The following RHEX variants were observed in gnomAD, a reference collection of about 807,000 sequenced individuals.
The protein encoded by RHEX is regulator of hemoglobinization and erythroid cell expansion protein.
Under a neutral mutation model 20.1 loss-of-function variants are expected in RHEX, and 18 were observed. The ratio of observed to expected loss-of-function variants is 0.90; its 90% CI spans 0.62 to 1.33. RHEX has a LOEUF of 1.33. RHEX is among the 40% of genes most tolerant of loss of function. RHEX has a pLI of 0.00. For missense variants in RHEX, 192 were observed against 214.3 expected (o/e 0.90, Z 0.65); for synonymous variants, 87 against 77.1 (o/e 1.13, Z -0.67).
chr1:206,088,614 C>T (rs1400908205), intron 1 of RHEX, among the ~76,000 whole-genome samples: 5 of 152,210 alleles, frequency 3.3e-5, no homozygotes, highest in African/African-American at 4.8e-5. Context: ...ACCTGGGAGG[C>T]GGAGGTTGCA....
intron 1 of RHEX, among the ~76,000 whole-genome samples, chr1:206,064,798 G>A (rs1338817695): frequency 1.3e-5 from 2 of 152,100 alleles, no homozygotes; most frequent in Non-Finnish European, 2.9e-5. Flanking sequence ...CATTGAGAAC[G>A]GGCCAGGATG....
At chr1:206,078,117 TG>T (rs1662668878) in intron 1 of RHEX, among the ~76,000 whole-genome samples, 1 of 152,230 alleles carries the variant, frequency 6.6e-6, no homozygotes, top group African/African-American at 2.4e-5. Flanking sequence ...TGTTCAGGCT[TG>T]GGTTCCATCC....
chr1:206,064,903 T>C (rs1662394658), intron 1 of RHEX, among the ~76,000 whole-genome samples: 1 of 151,844 alleles, frequency 6.6e-6, no homozygotes. Flanking sequence ...GAGGTAGACA[T>C]GGGAGACTTT....
intron 1 of RHEX, among the ~76,000 whole-genome samples, chr1:206,060,120 T>G (rs548171629): frequency 6.6e-6 from 1 of 152,232 alleles, no homozygotes; most frequent in South Asian, 2.1e-4. Context: ...AGATGGAGGT[T>G]TATGTCCAAA....
intron 1 of RHEX, among the ~76,000 whole-genome samples, chr1:206,082,946 T>C (rs1187934756): frequency 2.6e-5 from 4 of 152,218 alleles, no homozygotes; most frequent in African/African-American, 9.7e-5. Flanking sequence ...CCAAAGAGCC[T>C]GAAATCAGCC....
At chr1:206,096,419 A>G (rs1663069578) in intron 1 of RHEX, among the ~76,000 whole-genome samples, 1 of 152,238 alleles carries the variant, frequency 6.6e-6, no homozygotes, top group Non-Finnish European at 1.5e-5. Flanking sequence ...TCTCAGACAC[A>G]CTGGTCTAGC....
At chr1:206,056,566 T>C (rs997357023) in intron 1 of RHEX, 1 of 152,286 alleles carries the variant, frequency 6.6e-6, no homozygotes, top group African/African-American at 2.4e-5. Flanking sequence ...ATCCAAGGTA[T>C]GTAGCCCAGG....
At chr1:206,080,767 G>A (rs1553285760) in intron 1 of RHEX, among the ~76,000 whole-genome samples, 4 of 152,286 alleles carry the variant, frequency 2.6e-5, no homozygotes, top group South Asian at 2.1e-4. Flanking sequence ...AAGCATCAGC[G>A]TGCATCCATT....
chr1:206,101,940 A>G lies in RHEX; in HGVS notation c.507A>G (p.Gln169=). The G allele has an allele frequency of 6.2e-7, 1 of 1,612,972 alleles. No homozygotes were observed. The highest frequency in any genetic ancestry group is 1.1e-5 in the South Asian group (1 of 91,044). Reference sequence around the variant, plus strand: ...TGTCTGAGCCAGCGGAATATGATCAAGTGGCCATGTGAATTCCAAATATTT... The same window carrying G: ...TGTCTGAGCCAGCGGAATATGATCAGGTGGCCATGTGAATTCCAAATATTT... ...PALSEPAEYD[Q]VAM The change falls in exon 6 of 6, where the codon CAA becomes CAG. Residue 169 remains glutamine (Q), a synonymous_variant. Coordinates refer to ENST00000331555, the MANE Select transcript of RHEX (RefSeq NM_001007544.4).
chr1:206,054,616 G>A (rs1662152099), intron 1 of RHEX, among the ~76,000 whole-genome samples: 1 of 152,218 alleles, frequency 6.6e-6, no homozygotes, highest in African/African-American at 2.4e-5. Flanking sequence ...AATGCCACAG[G>A]TTTTTCTTAA....
At chr1:206,083,578 G>A (rs575692173) in intron 1 of RHEX, 2 of 985,460 alleles carry the variant, frequency 2.0e-6, no homozygotes, top group African/African-American at 3.5e-5. Context: ...GCTGGAGAAG[G>A]GTCGGGGAGA....
At chr1:206,097,252 G>C (rs1663091280) in intron 1 of RHEX, among the ~76,000 whole-genome samples, 1 of 152,158 alleles carries the variant, frequency 6.6e-6, no homozygotes, top group African/African-American at 2.4e-5. Flanking sequence ...CCTCCCTGCA[G>C]CCCTCCTTAC....
intron 1 of RHEX, among the ~76,000 whole-genome samples, chr1:206,087,477 A>G (rs1662862556): frequency 6.6e-6 from 1 of 152,160 alleles, no homozygotes; most frequent in Admixed American, 6.5e-5. Flanking sequence ...ATTATTCTTC[A>G]CCTGCGGCAT....
At chr1:206,087,111 T>C (rs1193048826) in intron 1 of RHEX, among the ~76,000 whole-genome samples, 1 of 152,236 alleles carries the variant, frequency 6.6e-6, no homozygotes, top group African/African-American at 2.4e-5. Context: ...CCATAGCTGA[T>C]GTCCTAAACA....
At chr1:206,077,109 T>C (rs1468560393) in intron 1 of RHEX, among the ~76,000 whole-genome samples, 1 of 152,082 alleles carries the variant, frequency 6.6e-6, no homozygotes, top group African/African-American at 2.4e-5. Context: ...CACTTGCCGA[T>C]GATGAGAAGA....
chr1:206,080,438 C>T (rs1383310927), intron 1 of RHEX: 2 of 152,132 alleles, frequency 1.3e-5, no homozygotes, highest in African/African-American at 4.8e-5. Context: ...AACATTGTGA[C>T]CCACAAATGT....
chr1:206,064,399 G>GC (rs1359804274), intron 1 of RHEX, among the ~76,000 whole-genome samples: 1 of 122,316 alleles, frequency 8.2e-6, no homozygotes, highest in East Asian at 2.5e-4. Flanking sequence ...GGGGGGGTCA[G>GC]CCCCCCGCCC....
At chr1:206,082,309 A>C (rs1553286002) in intron 1 of RHEX, among the ~76,000 whole-genome samples, 2 of 152,030 alleles carry the variant, frequency 1.3e-5, no homozygotes, top group African/African-American at 4.8e-5. Context: ...CGATGTCAGG[A>C]GTTTGAGACC....
chr1:206,053,945 C>T (rs1240566999), intron 1 of RHEX, among the ~76,000 whole-genome samples: 1 of 152,228 alleles, frequency 6.6e-6, no homozygotes, highest in Non-Finnish European at 1.5e-5. Flanking sequence ...TAAACAAGGT[C>T]TTAATAGCAA....
Sources: allele counts gnomAD v4.1 joint callset (sites outside exome capture counted in the v4.1 genomes callset), GRCh38; gene constraint gnomAD v4.1.1; transcripts MANE v1.5; gene names NCBI Gene and HGNC (gene_info 2026-07-23, HGNC 2026-07-21).